Variants in WWOX observed in about 807,000 individuals in gnomAD.
WWOX encodes the protein WW domain-containing oxidoreductase.
WWOX carries 69 observed loss-of-function variants against 46.2 expected under a neutral mutation model. That is an observed-to-expected ratio of 1.49 (90% CI 1.23 to 1.82). The LOEUF (loss-of-function observed/expected upper bound fraction) is 1.82. Among genes scored for constraint, WWOX ranks in the 40% most tolerant of loss-of-function variants. WWOX has a pLI of 0.00. For missense variants in WWOX, 919 were observed against 542.6 expected (o/e 1.69, Z -6.89); for synonymous variants, 359 against 202.6 (o/e 1.77, Z -6.56).
chr16:78,506,164 A>G (rs1014106404), intron 8 of WWOX, among the ~76,000 whole-genome samples: 4 of 152,178 alleles, frequency 2.6e-5, no homozygotes, highest in Admixed American at 1.3e-4. Flanking sequence ...GGACGTGAAA[A>G]GACTGCACCA....
intron 6 of WWOX, among the ~76,000 whole-genome samples, chr16:78,424,178 C>A (rs1257503820): frequency 7.3e-6 from 1 of 136,726 alleles, no homozygotes; most frequent in Non-Finnish European, 1.5e-5. Flanking sequence ...AGTGCAGTGG[C>A]ATGATCTTAG....
chr16:78,382,213 A>C (rs2081969169), intron 5 of WWOX, among the ~76,000 whole-genome samples: 1 of 152,210 alleles, frequency 6.6e-6, no homozygotes, highest in Admixed American at 6.5e-5. Context: ...CTTTCTGGAC[A>C]CATAGCACGT....
intron 8 of WWOX, among the ~76,000 whole-genome samples, chr16:78,564,737 C>T (rs2044523381): frequency 6.6e-6 from 1 of 152,142 alleles, no homozygotes; most frequent in African/African-American, 2.4e-5. Context: ...CCATATGGTA[C>T]CTCTCTGGCA....
intron 4 of WWOX, chr16:78,124,334 A>G (rs554027644): frequency 2.0e-5 from 3 of 152,296 alleles, no homozygotes; most frequent in African/African-American, 4.8e-5. Flanking sequence ...TTAAAACTAG[A>G]TGGCGATTCT....
At chr16:78,758,282 A>G (rs536887546) in intron 8 of WWOX, among the ~76,000 whole-genome samples, 30 of 152,326 alleles carry the variant, frequency 2.0e-4, no homozygotes, top group African/African-American at 7.2e-4. Flanking sequence ...TCTAAGCCCA[A>G]TGCTTGTGTT....
chr16:79,040,950 G>T (rs989183707), intron 8 of WWOX, among the ~76,000 whole-genome samples: 1 of 152,026 alleles, frequency 6.6e-6, no homozygotes, highest in Non-Finnish European at 1.5e-5. Flanking sequence ...ATGGGTTTTG[G>T]GCTGTGGGGG....
At chr16:78,378,113 C>A (rs1315653355) in intron 5 of WWOX, among the ~76,000 whole-genome samples, 2 of 151,912 alleles carry the variant, frequency 1.3e-5, no homozygotes, top group African/African-American at 4.8e-5. Context: ...CCTGCGTCCC[C>A]CCGCCCTGCC....
At chr16:78,599,786 G>A (rs542035717) in intron 8 of WWOX, among the ~76,000 whole-genome samples, 1 of 152,114 alleles carries the variant, frequency 6.6e-6, no homozygotes. Flanking sequence ...AAGAGTCTCA[G>A]TCTCTGCACT....
At chr16:78,887,926 T>C (rs1282378918) in intron 8 of WWOX, among the ~76,000 whole-genome samples, 1 of 152,208 alleles carries the variant, frequency 6.6e-6, no homozygotes, top group African/African-American at 2.4e-5. Flanking sequence ...GGGATGAATT[T>C]TTCATTCACA....
chr16:78,691,203 C>T (rs986786698), intron 8 of WWOX: 5 of 701,848 alleles, frequency 7.1e-6, no homozygotes, highest in Admixed American at 2.0e-5. Context: ...GGTCCAGCGC[C>T]TAGAATTTTA....
At chr16:78,701,964 C>T (rs1484652016) in intron 8 of WWOX, among the ~76,000 whole-genome samples, 2 of 137,046 alleles carry the variant, frequency 1.5e-5, no homozygotes, top group African/African-American at 2.8e-5. Flanking sequence ...ATGGGAGGAT[C>T]ATTTGAGCCC....
chr16:78,812,482 G>T (rs1342321612), intron 8 of WWOX, among the ~76,000 whole-genome samples: 1 of 152,146 alleles, frequency 6.6e-6, no homozygotes, highest in Non-Finnish European at 1.5e-5. Context: ...GACACTTTGG[G>T]AGGCCGAGGT....
At chr16:78,506,901 A>G (rs1374027124) in intron 8 of WWOX, among the ~76,000 whole-genome samples, 2 of 151,692 alleles carry the variant, frequency 1.3e-5, no homozygotes, top group African/African-American at 4.8e-5. Context: ...TTTAGTAGAG[A>G]CGGGATTTCA....
chr16:78,137,895 C>T (rs1432421761), intron 4 of WWOX, among the ~76,000 whole-genome samples: 3 of 150,772 alleles, frequency 2.0e-5, no homozygotes, highest in African/African-American at 7.4e-5. Context: ...TTTTCCTTAT[C>T]CGTTTAGACC....
In WWOX at chr16:78,164,207, C is replaced by G; in HGVS notation, c.434C>G (p.Ala145Gly). 4 of 1,614,062 alleles carry G rather than the reference C, an allele frequency of 2.5e-6. No homozygotes were observed. Among genetic ancestry groups the G allele is most frequent in the Non-Finnish European group, 3.4e-6 (4 of 1,180,002 alleles). Residue 145 changes from alanine (A) to glycine (G), a missense_variant, in exon 5 of 9, where the codon GCC becomes GGC. Physicochemically the swap from Ala to Gly is moderately conservative, Grantham distance 60. Transcript: ENST00000566780. ...GIGFETAKSF[A>G]LHGAHVILAC... ...GGGTTCGAAACCGCCAAGTCTTTTG[C>G]CCTCCATGGTGCACATGTGATCTTG...
intron 4 of WWOX, among the ~76,000 whole-genome samples, chr16:78,141,492 A>G (rs1315804295): frequency 7.7e-6 from 1 of 129,402 alleles, no homozygotes; most frequent in East Asian, 2.4e-4. Context: ...CCTCTGGCCC[A>G]TTCTACAAGG....
At chr16:79,136,338 C>A (rs994698338) in intron 8 of WWOX, among the ~76,000 whole-genome samples, 4 of 151,874 alleles carry the variant, frequency 2.6e-5, no homozygotes, top group African/African-American at 9.7e-5. Context: ...TCAAGCGATT[C>A]TCCTGCCTCC....
At chr16:78,522,946 C>T (rs934136696) in intron 8 of WWOX, among the ~76,000 whole-genome samples, 2 of 152,156 alleles carry the variant, frequency 1.3e-5, no homozygotes, top group Non-Finnish European at 2.9e-5. Context: ...GTGGCATGTG[C>T]CTGTAATCCC....
intron 5 of WWOX, among the ~76,000 whole-genome samples, chr16:78,227,561 C>T (rs763140513): frequency 1.3e-5 from 2 of 152,086 alleles, no homozygotes; most frequent in South Asian, 2.1e-4. Context: ...TTTGAAGGAC[C>T]GCAGGAGAAG....
Sources: gnomAD v4.1 joint callset for allele counts (sites outside exome capture counted in the v4.1 genomes callset) on GRCh38, gnomAD v4.1.1 for gene constraint, MANE v1.5 for transcripts, NCBI Gene and HGNC (gene_info 2026-07-23, HGNC 2026-07-21) for gene names.